SYTL3: variants seen among roughly 807,000 people sequenced by gnomAD.
The protein encoded by SYTL3 is synaptotagmin-like protein 3.
A neutral mutation model predicts 82.1 loss-of-function variants in SYTL3; 88 were observed. That is an observed-to-expected ratio of 1.07 (90% CI 0.90 to 1.28). The LOEUF is 1.28. SYTL3 is among the 50% of genes most tolerant of loss of function. The pLI, the probability that SYTL3 is intolerant of heterozygous loss-of-function variation, is 0.00. For synonymous variants in SYTL3, 311 were observed against 289.4 expected, an observed-to-expected ratio of 1.07 and a Z score of -0.76; for missense variants, 831 against 757.6, an observed-to-expected ratio of 1.10 and a Z score of -1.14.
chr6:158,666,923 G>A (rs1014949663), intron 5 of SYTL3, among the ~76,000 whole-genome samples: 10 of 152,302 alleles, frequency 6.6e-5, no homozygotes, highest in East Asian at 1.9e-4. Flanking sequence ...GGCCGAATTC[G>A]CCTTCTCATC....
chr6:158,721,626 T>C (rs575328859), intron 10 of SYTL3, among the ~76,000 whole-genome samples: 7 of 152,186 alleles, frequency 4.6e-5, no homozygotes, highest in African/African-American at 1.7e-4. Context: ...AGTACACTTC[T>C]ATTTATTTAT....
At chr6:158,760,853 G>A (rs3127155) in intron 15 of SYTL3, 108 bp downstream of exon 15, 500,129 of 825,878 alleles carry the variant, frequency 0.61, 159,847 homozygotes, top group Non-Finnish European at 0.67. Flanking sequence ...TCCTTTCTAC[G>A]TCCCCGTGCC....
At chr6:158,692,554 T>A (rs894301665) in intron 6 of SYTL3, among the ~76,000 whole-genome samples, 1 of 151,812 alleles carries the variant, frequency 6.6e-6, no homozygotes, top group Non-Finnish European at 1.5e-5. Context: ...GCATGGGCAG[T>A]TTAGACATGA....
At chr6:158,753,811 T>C (rs1249447354) in intron 13 of SYTL3, among the ~76,000 whole-genome samples, 1 of 151,114 alleles carries the variant, frequency 6.6e-6, no homozygotes, top group Non-Finnish European at 1.5e-5. Context: ...CTCAAAGATA[T>C]CACTTAAAAT....
chr6:158,713,012 G>A (rs550679278), intron 8 of SYTL3, among the ~76,000 whole-genome samples: 5 of 151,896 alleles, frequency 3.3e-5, no homozygotes, highest in East Asian at 1.9e-4. Flanking sequence ...CGCCCGCCTC[G>A]GGCTCCCAAA....
rs527325128 is a variant in SYTL3, at chr6:158,717,986, G to A, written c.596-101G>A. The A allele has an allele frequency of 6.6e-6, 8 of 1,213,524 alleles. No homozygotes were observed. The Admixed American group carries it at 2.5e-4, about 38-fold the overall frequency. The allele number at this position is 1,213,524 out of a possible 1,614,324, so 75.2% of individuals were successfully genotyped here. ...TGCACTTTGCCCTCTTAAGACCTTGGGACCCACTGTCTGTGGGTTCAGTGA... is the reference window on the plus strand; with the variant it reads ...TGCACTTTGCCCTCTTAAGACCTTGAGACCCACTGTCTGTGGGTTCAGTGA... On this transcript the variant is annotated intron_variant, in intron 9 of 17. Coordinates refer to ENST00000611299, the MANE Select transcript of SYTL3 (RefSeq NM_001242394.2).
intron 9 of SYTL3, among the ~76,000 whole-genome samples, chr6:158,716,933 T>C (rs1005418092): frequency 1.1e-4 from 16 of 152,246 alleles, no homozygotes; most frequent in Admixed American, 6.5e-4. Context: ...ATAACTTTAA[T>C]GTTGATGACA....
intron 6 of SYTL3, among the ~76,000 whole-genome samples, chr6:158,702,657 C>T (rs1041575937): frequency 3.9e-5 from 6 of 152,150 alleles, no homozygotes; most frequent in East Asian, 1.9e-4. Context: ...AGAAGCAGAG[C>T]GGTGACCCCG....
At chr6:158,661,852 G>C (rs1203006136) in intron 3 of SYTL3, among the ~76,000 whole-genome samples, 1 of 152,200 alleles carries the variant, frequency 6.6e-6, no homozygotes, top group African/African-American at 2.4e-5. Flanking sequence ...AATTCTGGGA[G>C]TCCTTAGATC....
At position 158,757,368 on chromosome 6, in the gene SYTL3, C is replaced by T. The variant is rs147104644; in HGVS notation, c.1295C>T (p.Pro432Leu). 1.1e-4 allele frequency: 171 copies of T among 1,613,942 alleles called. 1 individual carries two copies. The Admixed American group carries it at 1.6e-3, about 15-fold the overall frequency. ...ACAACACAGTCCTTCCGCTGGCATC[C>T]GCTCCGGGCCAAGGTGATGTCTGGT... is the stretch of plus-strand genomic sequence containing the variant. ...DSTTQSFRWH[P>L]LRAKAEKYED... is the part of the protein sequence containing the mutation. Residue 432 changes from proline (P) to leucine (L), a missense_variant, in exon 14 of 18, where the codon CCG becomes CTG. By Grantham distance (98) the Pro-to-Leu change is moderately conservative (BLOSUM62 -3). Coordinates refer to ENST00000611299, the MANE Select transcript of SYTL3 (RefSeq NM_001242394.2).
At chr6:158,717,390 C>T (rs941423451) in intron 9 of SYTL3, among the ~76,000 whole-genome samples, 1 of 151,852 alleles carries the variant, frequency 6.6e-6, no homozygotes, top group African/African-American at 2.4e-5. Context: ...CTCTGCCGGA[C>T]AGCACAGCTC....
intron 13 of SYTL3, among the ~76,000 whole-genome samples, chr6:158,754,473 C>T (rs1259567829): frequency 6.6e-6 from 1 of 152,106 alleles, no homozygotes; most frequent in African/African-American, 2.4e-5. Context: ...GTAATCCCAG[C>T]ACTTTGGGAG....
intron 14 of SYTL3, among the ~76,000 whole-genome samples, chr6:158,758,740 A>G (rs1789495769): frequency 6.6e-6 from 1 of 151,886 alleles, no homozygotes; most frequent in South Asian, 2.1e-4. Context: ...CCCAGTGCCT[A>G]CCTGGAATGC....
At chr6:158,747,598 G>A (rs1787841218) in intron 12 of SYTL3, among the ~76,000 whole-genome samples, 1 of 152,196 alleles carries the variant, frequency 6.6e-6, no homozygotes, top group East Asian at 1.9e-4. Flanking sequence ...GCACATGCTT[G>A]TAGTCTCAGC....
intron 1 of SYTL3, 92 bp downstream of exon 1, chr6:158,650,170 C>T (rs1449777427): frequency 1.3e-5 from 2 of 151,908 alleles, no homozygotes; most frequent in Admixed American, 1.3e-4. Flanking sequence ...TGTAACTTTT[C>T]TTAAATTTAT....
At chr6:158,672,240 G>A (rs533103227) in intron 5 of SYTL3, among the ~76,000 whole-genome samples, 19 of 152,256 alleles carry the variant, frequency 1.2e-4, no homozygotes, top group Admixed American at 2.0e-4. Flanking sequence ...GCAGTGAGCC[G>A]AGATTGCACT....
chr6:158,708,278 C>T (rs776227672), intron 7 of SYTL3, 44 bp from the exon 8 acceptor site: 13 of 1,480,386 alleles, frequency 8.8e-6, no homozygotes, highest in Non-Finnish European at 1.2e-5. Flanking sequence ...TAACGGCTTG[C>T]ATGGTTCACA....
chr6:158,758,353 A>C (rs1789422706), intron 14 of SYTL3, among the ~76,000 whole-genome samples: 1 of 151,520 alleles, frequency 6.6e-6, no homozygotes. Flanking sequence ...CAGAAGAATC[A>C]CTTGAACCTG....
At chr6:158,707,377 T>C in intron 7 of SYTL3, 96 bp downstream of exon 7, 1 of 987,648 alleles carries the variant, frequency 1.0e-6, no homozygotes, top group Non-Finnish European at 1.5e-6. Context: ...CTTTCACATG[T>C]CACTGCTTTG....
Sources: allele counts gnomAD v4.1 joint callset (sites outside exome capture counted in the v4.1 genomes callset), GRCh38; gene constraint gnomAD v4.1.1; transcripts MANE v1.5; gene names NCBI Gene and HGNC (gene_info 2026-07-23, HGNC 2026-07-21).